The following ZFYVE9 variants were observed in gnomAD, a reference collection of about 807,000 sequenced individuals.
ZFYVE9 encodes zinc finger FYVE-type containing 9.
A neutral mutation model predicts 126.7 loss-of-function variants in ZFYVE9; 43 were observed. The observed-to-expected ratio is 0.34, with a 90% CI of 0.27 to 0.44. ZFYVE9 has a LOEUF of 0.44. Ranked by LOEUF, ZFYVE9 falls within the 20% of genes least tolerant of loss-of-function variation. The pLI is 1.00. For synonymous variants in ZFYVE9, 521 were observed against 597.4 expected, an observed-to-expected ratio of 0.87 and a Z score of 1.87; for missense variants, 1,476 against 1,697.0, an observed-to-expected ratio of 0.87 and a Z score of 2.29.
chr1:52,147,076 T>C (rs930405597), intron 1 of ZFYVE9, among the ~76,000 whole-genome samples: 43 of 152,286 alleles, frequency 2.8e-4, no homozygotes, highest in African/African-American at 1.0e-3. Flanking sequence ...TGTATAAAGT[T>C]ACCTTTAGGC....
At chr1:52,288,345 G>T (rs1430110625) in intron 10 of ZFYVE9, among the ~76,000 whole-genome samples, 1 of 152,180 alleles carries the variant, frequency 6.6e-6, no homozygotes, top group Non-Finnish European at 1.5e-5. Context: ...CCCAGGCTGT[G>T]TAGCAGTGGT....
At chr1:52,195,685 T>C (rs1644853080) in intron 1 of ZFYVE9, among the ~76,000 whole-genome samples, 1 of 152,184 alleles carries the variant, frequency 6.6e-6, no homozygotes, top group African/African-American at 2.4e-5. Context: ...ACAGAGTGTT[T>C]TTTATTTTTA....
chr1:52,225,662 T>C (rs1465235168), intron 2 of ZFYVE9, among the ~76,000 whole-genome samples: 1 of 152,104 alleles, frequency 6.6e-6, no homozygotes, highest in Admixed American at 6.6e-5. Context: ...AAGAAACAGT[T>C]AGGCTTAACA....
chr1:52,316,909 A>G (rs956602831), intron 13 of ZFYVE9, among the ~76,000 whole-genome samples: 1 of 152,246 alleles, frequency 6.6e-6, no homozygotes, highest in East Asian at 1.9e-4. Context: ...CAGTGCACAC[A>G]GAACATTTAC....
chr1:52,205,053 G>A (rs895003679), intron 1 of ZFYVE9, among the ~76,000 whole-genome samples: 8 of 151,184 alleles, frequency 5.3e-5, no homozygotes, highest in Non-Finnish European at 1.2e-4. Flanking sequence ...TTTGGGTCAG[G>A]GTTTGTGCTG....
At chr1:52,270,402 A>T (rs1187015808) in intron 7 of ZFYVE9, among the ~76,000 whole-genome samples, 3 of 151,970 alleles carry the variant, frequency 2.0e-5, no homozygotes, top group East Asian at 1.9e-4. Flanking sequence ...TAGCTGGGAC[A>T]ACAGGCGCCC....
chr1:52,177,909 T>C (rs1430350316), intron 1 of ZFYVE9, among the ~76,000 whole-genome samples: 1 of 151,952 alleles, frequency 6.6e-6, no homozygotes, highest in African/African-American at 2.4e-5. Flanking sequence ...GGAGCTAGAT[T>C]ATGAAAGACT....
chr1:52,256,372 T>TTTTTTC (rs771279672), intron 4 of ZFYVE9, among the ~76,000 whole-genome samples: 23 of 151,686 alleles, frequency 1.5e-4, no homozygotes, highest in Non-Finnish European at 2.8e-4. Context: ...CGGCTCTTTT[T>TTTTTTC]TTTTTCTTTT....
At chr1:52,328,417 A>T (rs1646311993) in intron 13 of ZFYVE9, among the ~76,000 whole-genome samples, 1 of 152,238 alleles carries the variant, frequency 6.6e-6, no homozygotes, top group Non-Finnish European at 1.5e-5. Context: ...TTTTATGGTC[A>T]GTAAGGTCCT....
At chr1:52,302,957 A>G (rs1404893619) in intron 12 of ZFYVE9, among the ~76,000 whole-genome samples, 2 of 151,892 alleles carry the variant, frequency 1.3e-5, no homozygotes, top group Admixed American at 1.3e-4. Context: ...TAAAAATACA[A>G]AAATTAGCCG....
chr1:52,239,142 T>C lies in ZFYVE9; in HGVS notation c.1725T>C (p.Pro575=), dbSNP rs1419961261. 1.2e-6 allele frequency: 2 copies of C among 1,613,992 alleles called. No homozygotes were observed. Among genetic ancestry groups the C allele is most frequent in the Admixed American group, 1.7e-5 (1 of 59,968 alleles). Residue 575 remains proline (P), a synonymous_variant, in exon 4 of 19, where the codon CCT becomes CCC. Coordinates refer to ENST00000287727, the MANE Select transcript of ZFYVE9 (RefSeq NM_004799.4). ...VVASLPSISV[P]FGGARPKQPS... ...CAAGCCTGCCATCTATCAGTGTTCC[T>C]TTTGGTGGTGCAAGACCCAAGCAAC...
chr1:52,267,556 C>T (rs1004271162), intron 6 of ZFYVE9, among the ~76,000 whole-genome samples: 2 of 152,048 alleles, frequency 1.3e-5, no homozygotes, highest in Non-Finnish European at 2.9e-5. Flanking sequence ...TTTATCTTTT[C>T]ATCTATTAAT....
At chr1:52,143,551 G>A (rs1644281013) in intron 1 of ZFYVE9, among the ~76,000 whole-genome samples, 1 of 152,120 alleles carries the variant, frequency 6.6e-6, no homozygotes, top group Non-Finnish European at 1.5e-5. Context: ...TTTAATAATA[G>A]GAGAAATCAC....
intron 4 of ZFYVE9, among the ~76,000 whole-genome samples, chr1:52,255,959 T>TTTC (rs1186266570): frequency 8.5e-5 from 8 of 94,224 alleles, no homozygotes; most frequent in African/African-American, 6.0e-4. Flanking sequence ...TTTTCTTTTC[T>TTTC]TTTCTTTTCT....
intron 2 of ZFYVE9, 77 bp from the exon 3 acceptor site, chr1:52,233,094 T>C (rs570940445): frequency 5.3e-6 from 3 of 566,088 alleles, no homozygotes; most frequent in Non-Finnish European, 7.8e-6. Flanking sequence ...TATAAGAGAT[T>C]TTATCCTTGT....
At chr1:52,266,405 T>TAAAAAAAAAAAAAAAAAAAA (rs33996604) in intron 5 of ZFYVE9, among the ~76,000 whole-genome samples, 1 of 85,640 alleles carries the variant, frequency 1.2e-5, no homozygotes, top group African/African-American at 4.8e-5. Context: ...TCTAATTCTT[T>TAAAAAAAAAAAAAAAAAAAA]AAAAAAAAAA....
intron 13 of ZFYVE9, among the ~76,000 whole-genome samples, chr1:52,306,884 C>T (rs1230179979): frequency 6.6e-6 from 1 of 152,230 alleles, no homozygotes; most frequent in Non-Finnish European, 1.5e-5. Context: ...GTGGCCGGAA[C>T]CCACGCTTGC....
In ZFYVE9 at chr1:52,238,260, T is replaced by TA; in HGVS notation, c.848dup (p.Gln284AlafsTer8). 4 of 1,614,036 alleles carry TA rather than the reference T, an allele frequency of 2.5e-6. No homozygotes were observed. On this transcript the variant is annotated frameshift_variant, in exon 4 of 19. Coordinates refer to ENST00000287727, the MANE Select transcript of ZFYVE9 (RefSeq NM_004799.4). LOFTEE classifies it high-confidence loss of function. The stretch of plus-strand genomic sequence containing the variant: ...AGGGAACAGATGGATGTCCTGCTGT[T>TA]AAAAAGCAAGAGAACTATATACCAG...
intron 1 of ZFYVE9, among the ~76,000 whole-genome samples, chr1:52,156,674 G>T (rs1644405748): frequency 6.6e-6 from 1 of 152,170 alleles, no homozygotes; most frequent in South Asian, 2.1e-4. Context: ...TTAAAAGCTA[G>T]ACTTTGGCCA....
Sources: allele counts gnomAD v4.1 joint callset (sites outside exome capture counted in the v4.1 genomes callset), GRCh38; gene constraint gnomAD v4.1.1; transcripts MANE v1.5; gene names NCBI Gene and HGNC (gene_info 2026-07-23, HGNC 2026-07-21).